Variants in ALKAL2 observed in about 807,000 individuals in gnomAD.
ALKAL2 encodes ALK and LTK ligand 2.
Under a neutral mutation model 18.5 loss-of-function variants are expected in ALKAL2, and 8 were observed. The ratio of observed to expected loss-of-function variants is 0.43; its 90% CI spans 0.25 to 0.78. The LOEUF (loss-of-function observed/expected upper bound fraction) is 0.78, where lower values mean the gene tolerates loss of function less well. Among genes scored for constraint, ALKAL2 ranks in the 30% least tolerant of loss-of-function variants. The probability of loss-of-function intolerance (pLI) is 0.22; values close to 1 mark genes in which losing one functional copy is unlikely to be tolerated. For synonymous variants in ALKAL2, 135 were observed against 95.8 expected, an observed-to-expected ratio of 1.41 and a Z score of -2.39; for missense variants, 241 against 211.2, an observed-to-expected ratio of 1.14 and a Z score of -0.88.
rs1670284410 is a variant in ALKAL2, at chr2:280,008, C to CAA, written c.*137_*138dup. ...CAAACTGTCAACAACATACAAAACT[C>CAA]AAAGGACTTATGGAAGAGTCTGTCT... On this transcript the variant is annotated 3_prime_UTR_variant, in exon 6 of 6. Transcript: ENST00000403610. 1.1e-6 allele frequency: 1 copy of CAA among 930,344 alleles called. No homozygotes were observed. Among genetic ancestry groups the CAA allele is most frequent in the Admixed American group, 1.8e-5 (1 of 55,410 alleles). The allele number at this position is 930,344 out of a possible 1,614,324, so 57.6% of individuals were successfully genotyped here. A position where few individuals can be genotyped will look rare whatever the true frequency, so the allele number is the denominator to read the frequency against.
chr2:279,705 C>T lies in ALKAL2; in HGVS notation c.*442G>A, dbSNP rs3828329. 0.3 allele frequency: 49,538 copies of T among 163,834 alleles called. 8,263 individuals carry two copies. The highest frequency in any genetic ancestry group is 0.6 in the East Asian group (3,602 of 6,030). The allele number at this position is 163,834 out of a possible 1,614,324, so 10.1% of individuals were successfully genotyped here. On this transcript the variant is annotated 3_prime_UTR_variant, in exon 6 of 6. Transcript: ENST00000403610. ...ACACTCCACTGTCTCTAAAACATGA[C>T]CGAAATTTTAATTTTTCATGCCGTT...
intron 2 of ALKAL2, 130 bp downstream of exon 2, chr2:287,453 A>G: frequency 3.2e-6 from 1 of 308,032 alleles, no homozygotes; most frequent in Non-Finnish European, 4.9e-6. Flanking sequence ...TTTCTTAAAA[A>G]AAAAAAAAAA....
At chr2:283,733 G>A (rs1027381739) in intron 4 of ALKAL2, 33 of 303,552 alleles carry the variant, frequency 1.1e-4, no homozygotes, top group African/African-American at 2.9e-4. Flanking sequence ...TATTCTGACC[G>A]TGCTGCCTAT....
intron 5 of ALKAL2, among the ~76,000 whole-genome samples, chr2:281,174 G>A (rs1425354450): frequency 6.6e-6 from 1 of 152,246 alleles, no homozygotes; most frequent in African/African-American, 2.4e-5. Context: ...GTTAACACCA[G>A]TAACAATTTG....
chr2:287,756 T>TCCGCGCCCCCCCGG lies in ALKAL2; in HGVS notation c.66_79dup (p.Glu27AlafsTer70). ...CTGTCCGTCCGCCGGCTCCCGGGGCTCCGCGCCCCCCCGGCCGCGCCCCGC... is the reference window on the plus strand; with the variant it reads ...CTGTCCGTCCGCCGGCTCCCGGGGCTCCGCGCCCCCCCGGCCGCGCCCCCCCGGCCGCGCCCCGC... On this transcript the variant is annotated frameshift_variant, in exon 2 of 6. Transcript: ENST00000403610. LOFTEE classifies it high-confidence loss of function. The TCCGCGCCCCCCCGG allele has an allele frequency of 6.9e-7, 1 of 1,445,140 alleles. No homozygotes were observed. The highest frequency in any genetic ancestry group is 3.0e-5 in the East Asian group (1 of 32,818). The allele number at this position is 1,445,140 out of a possible 1,614,324, so 89.5% of individuals were successfully genotyped here. A position where few individuals can be genotyped will look rare whatever the true frequency, so the allele number is the denominator to read the frequency against.
At chr2:284,830 T>C (rs573347356) in intron 4 of ALKAL2, among the ~76,000 whole-genome samples, 7 of 152,250 alleles carry the variant, frequency 4.6e-5, no homozygotes, top group African/African-American at 1.7e-4. Context: ...AGGAAATAGG[T>C]AATATAAAAT....
chr2:287,370 TCA>T, intron 2 of ALKAL2: 1 of 401,976 alleles, frequency 2.5e-6, no homozygotes, highest in Non-Finnish European at 4.3e-6. Flanking sequence ...GCGCCGCAGC[TCA>T]CGCGCGCCAG....
Position 279,959 on chromosome 2 carries a change from A to G in ALKAL2, c.*188T>C. 1 of 630,034 alleles carries G rather than the reference A, an allele frequency of 1.6e-6. No individual in the cohort carries two copies. Among genetic ancestry groups the G allele is most frequent in the Non-Finnish European group, 2.9e-6 (1 of 347,592 alleles). 39.0% of individuals were successfully genotyped at this position (630,034 alleles called of 1,614,324 possible). Reference sequence around the variant, plus strand: ...AGTGACAGATAACACTGTCAAGTACACTGATTTATCGAATATATATCTGCA... The same window carrying G: ...AGTGACAGATAACACTGTCAAGTACGCTGATTTATCGAATATATATCTGCA... On this transcript the variant is annotated 3_prime_UTR_variant, in exon 6 of 6. Coordinates refer to ENST00000403610, the MANE Select transcript of ALKAL2 (RefSeq NM_001002919.3).
chr2:280,274 A>C, intron 5 of ALKAL2, 122 bp from the exon 6 acceptor site: 3 of 1,069,074 alleles, frequency 2.8e-6, no homozygotes, highest in South Asian at 2.6e-5. Flanking sequence ...CTCAGAGTGC[A>C]TCTGTATTTC....
rs1670359580 is a variant in ALKAL2, at chr2:281,678, A to C, written c.453+1433T>G. Among the ~76,000 whole-genome samples the C allele has an allele frequency of 2.6e-5, 4 of 152,214 alleles. No homozygotes were observed. In the East Asian group the frequency reaches 7.7e-4, roughly 29 times the overall value. ...GGCATGTGGACGGAGTAGCTCTTCC[A>C]GTGGCTGAGACAGTGGGGAATTTGC... On this transcript the variant is annotated intron_variant, in intron 5 of 5. Coordinates refer to ENST00000403610, the MANE Select transcript of ALKAL2 (RefSeq NM_001002919.3).
chr2:287,730 C>A lies in ALKAL2; in HGVS notation c.106G>T (p.Ala36Ser). Residue 36 changes from alanine to serine, a missense_variant, in exon 2 of 6, where the codon GCG becomes TCG. Ala to Ser is a moderately conservative substitution (Grantham distance 99). Coordinates refer to ENST00000403610, the MANE Select transcript of ALKAL2 (RefSeq NM_001002919.3). ...AGTTCCACCACCAGCCGCAGCAGCG[C>A]CTGTCCGTCCGCCGGCTCCCGGGGC... ...AEPREPADGQALLRLVVELVQ... is the reference protein window; with the variant it reads ...AEPREPADGQSLLRLVVELVQ... 1 of 1,462,208 alleles carries A rather than the reference C, an allele frequency of 6.8e-7. No individual in the cohort carries two copies. The highest frequency in any genetic ancestry group is 9.0e-7 in the Non-Finnish European group (1 of 1,111,728). 90.6% of individuals were successfully genotyped at this position (1,462,208 alleles called of 1,614,324 possible).
Position 283,840 on chromosome 2 carries a change from GTTTA to G in ALKAL2, c.389-669_389-666del, listed in dbSNP as rs569400777. 1.2e-4 allele frequency among the ~76,000 whole-genome samples: 18 copies of G among 152,286 alleles called. No individual in the cohort carries two copies. In the South Asian group the frequency reaches 3.7e-3, roughly 32 times the overall value. On this transcript the variant is annotated intron_variant, in intron 4 of 5. Coordinates refer to ENST00000403610, the MANE Select transcript of ALKAL2 (RefSeq NM_001002919.3). ...CTGCAATAGTTTGTAAATTATTACA[GTTTA>G]TTTCTCAATAACAAAATCCTACTTA...
intron 4 of ALKAL2, 75 bp downstream of exon 4, chr2:286,048 A>G (rs1345307357): frequency 7.6e-7 from 1 of 1,309,724 alleles, no homozygotes; most frequent in African/African-American, 1.5e-5. Flanking sequence ...AGGGGCCTAT[A>G]TGAGGAAATG....
Position 287,600 on chromosome 2 carries a change from G to C in ALKAL2, c.236C>G (p.Ser79Trp), listed in dbSNP as rs1223853335. 1.4e-6 allele frequency: 2 copies of C among 1,466,610 alleles called. No individual in the cohort carries two copies. Among genetic ancestry groups the C allele is most frequent in the South Asian group, 1.3e-5 (1 of 76,158 alleles). 90.8% of individuals were successfully genotyped at this position (1,466,610 alleles called of 1,614,324 possible). A position where few individuals can be genotyped will look rare whatever the true frequency, so the allele number is the denominator to read the frequency against. The stretch of plus-strand genomic sequence containing the variant: ...CCACTCACCCACTCGCTGCTCCGGC[G>C]AAGGCCCCAGCCCCGCCGCCTCCGC... ...GRAEAAGLGP[S>W]PEQRVEIVPR... Residue 79 changes from serine to tryptophan, a missense_variant, in exon 2 of 6, where the codon TCG becomes TGG. Coordinates refer to ENST00000403610, the MANE Select transcript of ALKAL2 (RefSeq NM_001002919.3).
At chr2:286,453 T>C (rs1456900515) in intron 2 of ALKAL2, 110 bp from the exon 3 acceptor site, 1 of 762,036 alleles carries the variant, frequency 1.3e-6, no homozygotes, top group Non-Finnish European at 2.2e-6. Context: ...CCAAGTTGCT[T>C]TGCACAAAAT....
intron 4 of ALKAL2, chr2:283,396 G>A (rs1201754545): frequency 1.0e-5 from 10 of 985,310 alleles, no homozygotes; most frequent in African/African-American, 1.7e-5. Flanking sequence ...GTCGGATGAT[G>A]TAAGTGGGGC....
chr2:287,290 G>A (rs761827455), intron 2 of ALKAL2: 85 of 314,800 alleles, frequency 2.7e-4, no homozygotes, highest in Middle Eastern at 1.7e-3. Flanking sequence ...TTTCAGTTGG[G>A]AAAGCTTTGC....
At position 287,837 on chromosome 2, in the gene ALKAL2, G is replaced by T; in HGVS notation, c.-2C>A. 7.6e-7 allele frequency: 1 copy of T among 1,307,220 alleles called. No individual in the cohort carries two copies. The highest frequency in any genetic ancestry group is 9.6e-7 in the Non-Finnish European group (1 of 1,036,684). The allele number at this position is 1,307,220 out of a possible 1,614,324, so 81.0% of individuals were successfully genotyped here. A position where few individuals can be genotyped will look rare whatever the true frequency, so the allele number is the denominator to read the frequency against. On this transcript the variant is annotated 5_prime_UTR_variant, in exon 2 of 6. Transcript: ENST00000403610. ...GAGGGGGTGCCCGGGTCCGCGCATC[G>T]TGCGCTCGGGGCCGCGGGGCTGGGA... is the stretch of plus-strand genomic sequence containing the variant.
At chr2:284,692 G>T (rs901568413) in intron 4 of ALKAL2, among the ~76,000 whole-genome samples, 1 of 152,184 alleles carries the variant, frequency 6.6e-6, no homozygotes, top group African/African-American at 2.4e-5. Flanking sequence ...AGTCAACCAT[G>T]AGATCTGTGC....
Sources: gnomAD v4.1 joint callset for allele counts (sites outside exome capture counted in the v4.1 genomes callset) on GRCh38, gnomAD v4.1.1 for gene constraint, MANE v1.5 for transcripts, NCBI Gene and HGNC (gene_info 2026-07-23, HGNC 2026-07-21) for gene names.